Variants in ARID1B observed in about 807,000 individuals in gnomAD.
The protein encoded by ARID1B is AT-rich interactive domain-containing protein 1B.
In ARID1B, 30 loss-of-function variants were observed where a neutral mutation model predicts 212.3. The ratio of observed to expected loss-of-function variants is 0.14; its 90% CI spans 0.11 to 0.19. ARID1B has a LOEUF of 0.19. Among genes scored for constraint, ARID1B ranks in the 10% least tolerant of loss-of-function variants. The probability of loss-of-function intolerance (pLI) is 1.00; values close to 1 mark genes in which losing one functional copy is unlikely to be tolerated. For synonymous variants in ARID1B, 1,402 were observed against 1,301.7 expected (o/e 1.08, Z -1.66); for missense variants, 2,891 against 3,204.0 (o/e 0.90, Z 2.36).
At chr6:156,830,945 C>T (rs1056426714) in intron 2 of ARID1B, among the ~76,000 whole-genome samples, 1 of 152,126 alleles carries the variant, frequency 6.6e-6, no homozygotes, top group African/African-American at 2.4e-5. Flanking sequence ...TCAGAGACCT[C>T]ACTTCTCAAT....
At chr6:156,944,684 C>T (rs11965003) in intron 4 of ARID1B, among the ~76,000 whole-genome samples, 2,747 of 152,256 alleles carry the variant, frequency 0.018, 81 homozygotes, top group African/African-American at 0.062. Flanking sequence ...AAGGAAGGCC[C>T]TAAGGGCATG....
In ARID1B at chr6:157,068,032, G is replaced by C. The variant is rs1334874346; in HGVS notation, c.2248-16630G>C. On this transcript the variant is annotated intron_variant, in intron 4 of 19. Transcript: ENST00000636930. The stretch of plus-strand genomic sequence containing the variant: ...CTTCATATGGCACCAGGGATCCATT[G>C]TAAGTTGAGAACTGTGCTAGATCAC... 2.0e-5 allele frequency among the ~76,000 whole-genome samples: 3 copies of C among 152,302 alleles called. No homozygotes were observed. In the East Asian group the frequency reaches 5.8e-4, roughly 29 times the overall value.
intron 1 of ARID1B, among the ~76,000 whole-genome samples, chr6:156,800,574 GC>G (rs1380636741): frequency 6.6e-6 from 1 of 151,970 alleles, no homozygotes; most frequent in Non-Finnish European, 1.5e-5. Flanking sequence ...GGGTGACAGA[GC>G]AATACTCCAT....
intron 1 of ARID1B, among the ~76,000 whole-genome samples, chr6:156,812,500 T>C (rs921980039): frequency 1.3e-5 from 2 of 152,200 alleles, no homozygotes; most frequent in Non-Finnish European, 2.9e-5. Flanking sequence ...GTGTATTATT[T>C]GTATACATCT....
intron 1 of ARID1B, among the ~76,000 whole-genome samples, chr6:156,796,445 C>T (rs1262018439): frequency 6.9e-6 from 1 of 145,692 alleles, no homozygotes; most frequent in Non-Finnish European, 1.5e-5. Context: ...TGGGCATCTT[C>T]ATGTCTTAGC....
intron 6 of ARID1B, among the ~76,000 whole-genome samples, chr6:157,125,092 C>G (rs1326728377): frequency 1.3e-5 from 2 of 152,102 alleles, no homozygotes; most frequent in Non-Finnish European, 2.9e-5. Context: ...CAGGGTAGGG[C>G]GGCAGACTCG....
chr6:156,880,426 T>C (rs1306882081), intron 2 of ARID1B, among the ~76,000 whole-genome samples: 1 of 152,088 alleles, frequency 6.6e-6, no homozygotes, highest in Non-Finnish European at 1.5e-5. Context: ...AGATTTATTG[T>C]GTAAGTTTTG....
At chr6:157,001,973 G>A (rs1463170906) in intron 4 of ARID1B, among the ~76,000 whole-genome samples, 2 of 152,230 alleles carry the variant, frequency 1.3e-5, no homozygotes, top group African/African-American at 2.4e-5. Flanking sequence ...TTGAGAAGGC[G>A]TGCAGTGAAT....
intron 2 of ARID1B, among the ~76,000 whole-genome samples, chr6:156,881,555 T>A (rs1326233003): frequency 6.6e-6 from 1 of 152,230 alleles, no homozygotes; most frequent in African/African-American, 2.4e-5. Flanking sequence ...GCATCATTCC[T>A]TCTCAGAGCC....
In ARID1B at chr6:157,201,586, G is replaced by C; in HGVS notation, c.5263+98G>C. On this transcript the variant is annotated intron_variant, in intron 18 of 19. Transcript: ENST00000636930. The surrounding 1 kb of genome is among the most constrained non-coding windows in gnomAD (Gnocchi z 5.2). ...CTGTTCCTGCTCATCTTAAAGGGAT[G>C]AAAAAATTATGACTAGAAGTTATCA... The C allele has an allele frequency of 7.4e-7, 1 of 1,345,792 alleles. No individual in the cohort carries two copies. Among genetic ancestry groups the C allele is most frequent in the Non-Finnish European group, 9.9e-7 (1 of 1,013,648 alleles). 83.4% of individuals were successfully genotyped at this position (1,345,792 alleles called of 1,614,324 possible).
intron 6 of ARID1B, among the ~76,000 whole-genome samples, chr6:157,121,657 G>T (rs1787729344): frequency 7.2e-6 from 1 of 138,770 alleles, no homozygotes. Context: ...TGCTGAGACG[G>T]AGTTTCACTC....
chr6:156,779,262 G>GAGC lies in ARID1B; in HGVS notation c.1582_1583insAGC (p.Ala528delinsGluPro). On this transcript the variant is annotated protein_altering_variant, in exon 1 of 20. Coordinates refer to ENST00000636930, the MANE Select transcript of ARID1B (RefSeq NM_001374828.1). ...CTACCCCGAGTACAGCAGCCCCAGCGCGCCGCCGCCGCCGCCGTCGCAGCC... is the reference window on the plus strand; with the variant it reads ...CTACCCCGAGTACAGCAGCCCCAGCGAGCCGCCGCCGCCGCCGCCGTCGCAGCC... 1 of 1,146,088 alleles carries GAGC rather than the reference G, an allele frequency of 8.7e-7. No homozygotes were observed. The highest frequency in any genetic ancestry group is 1.1e-6 in the Non-Finnish European group (1 of 929,370). 71.0% of individuals were successfully genotyped at this position (1,146,088 alleles called of 1,614,324 possible).
At position 157,206,935 on chromosome 6, in the gene ARID1B, T is replaced by C. The variant is rs2128395196; in HGVS notation, c.6163T>C (p.Cys2055Arg). ...CAGGAGCCGAGACGAGACTCCTCTGTGTACCATCGCGCACTGGCAGGACTC... is the reference window on the plus strand; with the variant it reads ...CAGGAGCCGAGACGAGACTCCTCTGCGTACCATCGCGCACTGGCAGGACTC... ...EPRSRDETPL[C>R]TIAHWQDSLA... The change falls in exon 20 of 20, where the codon TGT becomes CGT. Residue 2055 changes from cysteine (C) to arginine (R), a missense_variant. By Grantham distance (180) the Cys-to-Arg change is radical (BLOSUM62 -3). Coordinates refer to ENST00000636930, the MANE Select transcript of ARID1B (RefSeq NM_001374828.1). This position sits in a 1 kb window ranked among gnomAD's most constrained non-coding sequence, Gnocchi z 6.8. 1.2e-6 allele frequency: 2 copies of C among 1,614,162 alleles called. No homozygotes were observed. The highest frequency in any genetic ancestry group is 8.5e-7 in the Non-Finnish European group (1 of 1,180,016).
chr6:157,163,782 A>G (rs1791119584), intron 8 of ARID1B, among the ~76,000 whole-genome samples: 1 of 152,238 alleles, frequency 6.6e-6, no homozygotes, highest in Non-Finnish European at 1.5e-5. Flanking sequence ...CCGCAGGGCC[A>G]TACACCAGAC....
intron 11 of ARID1B, among the ~76,000 whole-genome samples, chr6:157,178,135 T>C (rs781527940): frequency 2.0e-5 from 3 of 152,192 alleles, no homozygotes; most frequent in Admixed American, 1.3e-4. Flanking sequence ...CCTTCAGTCT[T>C]ACTAGACTGT....
chr6:157,088,388 A>G (rs74406029), intron 5 of ARID1B, among the ~76,000 whole-genome samples: 3,783 of 152,282 alleles, frequency 0.025, 74 homozygotes, highest in Non-Finnish European at 0.041. Flanking sequence ...TTCATCCAAC[A>G]TTTTATATGC....
At chr6:156,894,962 A>G (rs950385592) in intron 2 of ARID1B, among the ~76,000 whole-genome samples, 9 of 152,284 alleles carry the variant, frequency 5.9e-5, no homozygotes, top group African/African-American at 2.2e-4. Flanking sequence ...CTGGACAGGC[A>G]TGTGGAATAC....
chr6:157,058,282 T>TA (rs1378953642), intron 4 of ARID1B, among the ~76,000 whole-genome samples: 1 of 150,458 alleles, frequency 6.6e-6, no homozygotes, highest in African/African-American at 2.5e-5. Context: ...TTTTTTTTTT[T>TA]GAGACGAAGT....
intron 4 of ARID1B, among the ~76,000 whole-genome samples, chr6:157,021,474 G>A (rs540447677): frequency 5.9e-5 from 9 of 152,320 alleles, no homozygotes; most frequent in South Asian, 2.1e-4. Flanking sequence ...GGCAGGCCCC[G>A]CTCGCTCCTT....
Sources: allele counts gnomAD v4.1 joint callset (sites outside exome capture counted in the v4.1 genomes callset), GRCh38; gene constraint gnomAD v4.1.1; non-coding constraint Gnocchi (gnomAD v3.1); transcripts MANE v1.5; gene names NCBI Gene and HGNC (gene_info 2026-07-23, HGNC 2026-07-21).